RYR3: variants seen among roughly 807,000 people sequenced by gnomAD.
RYR3 encodes the protein brain ryanodine receptor-calcium release channel.
In RYR3, 207 loss-of-function variants were observed where a neutral mutation model predicts 584.3. The observed-to-expected ratio is 0.35, with a 90% CI of 0.32 to 0.40. The LOEUF (loss-of-function observed/expected upper bound fraction) is 0.40. Among genes scored for constraint, RYR3 ranks in the 10% least tolerant of loss-of-function variants. The probability of loss-of-function intolerance (pLI) is 1.00; values close to 1 mark genes in which losing one functional copy is unlikely to be tolerated. For synonymous variants in RYR3, 2,416 were observed against 2,248.5 expected (o/e 1.07, Z -2.11); for missense variants, 5,616 against 6,089.2 (o/e 0.92, Z 2.59).
At chr15:33,521,678 T>G (rs971404119) in intron 3 of RYR3, among the ~76,000 whole-genome samples, 2 of 152,162 alleles carry the variant, frequency 1.3e-5, no homozygotes, top group African/African-American at 4.8e-5. Context: ...AAGGCAGTAC[T>G]GTGGGTGTCG....
chr15:33,560,951 C>A (rs2057368333), intron 10 of RYR3, among the ~76,000 whole-genome samples: 1 of 151,360 alleles, frequency 6.6e-6, no homozygotes, highest in Admixed American at 6.6e-5. Flanking sequence ...AATGTTTCAA[C>A]ACACACATTT....
At position 33,838,631 on chromosome 15, in the gene RYR3, G is replaced by A. The variant is rs1323272533; in HGVS notation, c.12651G>A (p.Gly4217=). Residue 4217 remains glycine, a synonymous_variant, in exon 89 of 104, where the codon GGG becomes GGA. Coordinates refer to ENST00000634891, the MANE Select transcript of RYR3 (RefSeq NM_001036.6). ...FQILWSTVFG[G]GLVEGAKNIR... The stretch of plus-strand genomic sequence containing the variant: ...TCCTCTGGAGCACAGTGTTTGGAGG[G>A]GGCCTGGTAGAAGGGGCAAAGAACA... The A allele has an allele frequency of 1.2e-6, 2 of 1,613,770 alleles. No individual in the cohort carries two copies. The highest frequency in any genetic ancestry group is 2.7e-5 in the African/African-American group (2 of 74,894).
At chr15:33,349,728 A>C in intron 1 of RYR3, among the ~76,000 whole-genome samples, 1 of 134,714 alleles carries the variant, frequency 7.4e-6, no homozygotes, top group African/African-American at 3.0e-5. Flanking sequence ...ATATCTCCCA[A>C]TGCTATCCCT....
chr15:33,348,040 T>C (rs1014316049), intron 1 of RYR3, among the ~76,000 whole-genome samples: 5 of 152,168 alleles, frequency 3.3e-5, no homozygotes, highest in African/African-American at 1.2e-4. Flanking sequence ...AACATTCCTA[T>C]ATGTAACAAT....
intron 27 of RYR3, among the ~76,000 whole-genome samples, chr15:33,641,392 T>C (rs2061816025): frequency 6.6e-6 from 1 of 152,236 alleles, no homozygotes; most frequent in Non-Finnish European, 1.5e-5. Flanking sequence ...ATTTACAAGG[T>C]ATTTGGTAAA....
At chr15:33,421,821 A>G (rs2044263243) in intron 1 of RYR3, among the ~76,000 whole-genome samples, 1 of 152,202 alleles carries the variant, frequency 6.6e-6, no homozygotes, top group South Asian at 2.1e-4. Flanking sequence ...ACTTCAGAGT[A>G]ACCCAATTGT....
chr15:33,728,966 G>A lies in RYR3; in HGVS notation c.7143G>A (p.Leu2381=). ...RVYGIKDQTF[L]LHLLEVGFLP... ...ATGGCATTAAGGATCAAACTTTTCTGCTCCACTTGCTGGAGGTTGGATTTT... is the reference window on the plus strand; with the variant it reads ...ATGGCATTAAGGATCAAACTTTTCTACTCCACTTGCTGGAGGTTGGATTTT... Residue 2381 remains leucine (L), a synonymous_variant, in exon 47 of 104, where the codon CTG becomes CTA. Transcript: ENST00000634891. The A allele has an allele frequency of 6.2e-7, 1 of 1,613,926 alleles. No individual in the cohort carries two copies. The highest frequency in any genetic ancestry group is 8.5e-7 in the Non-Finnish European group (1 of 1,179,864).
intron 1 of RYR3, among the ~76,000 whole-genome samples, chr15:33,380,768 G>A (rs1228934879): frequency 1.3e-5 from 2 of 152,210 alleles, no homozygotes; most frequent in Non-Finnish European, 2.9e-5. Flanking sequence ...AGCAGCACAC[G>A]TACGTACACT....
intron 1 of RYR3, among the ~76,000 whole-genome samples, chr15:33,406,353 A>C (rs956756158): frequency 6.6e-6 from 1 of 152,194 alleles, no homozygotes; most frequent in Non-Finnish European, 1.5e-5. Context: ...TGACCCTCAC[A>C]GTTTTCATTT....
At chr15:33,732,261 G>A (rs1250414891) in intron 48 of RYR3, among the ~76,000 whole-genome samples, 4 of 151,450 alleles carry the variant, frequency 2.6e-5, no homozygotes, top group African/African-American at 4.9e-5. Flanking sequence ...GGTGGCAGAC[G>A]CCTGTAGTCC....
intron 64 of RYR3, among the ~76,000 whole-genome samples, chr15:33,778,435 A>G (rs2074163015): frequency 6.6e-6 from 1 of 152,166 alleles, no homozygotes; most frequent in Non-Finnish European, 1.5e-5. Context: ...CCTGTATTTG[A>G]TATGTAGAGG....
chr15:33,617,652 C>A (rs1229965514), intron 19 of RYR3, among the ~76,000 whole-genome samples: 1 of 152,088 alleles, frequency 6.6e-6, no homozygotes, highest in African/African-American at 2.4e-5. Flanking sequence ...CTGTTTCCTC[C>A]TGTTTAATGG....
intron 49 of RYR3, among the ~76,000 whole-genome samples, chr15:33,736,706 G>A (rs966348453): frequency 6.6e-6 from 1 of 151,820 alleles, no homozygotes; most frequent in Admixed American, 6.6e-5. Flanking sequence ...ATACTGTTTT[G>A]TGCTTTTCTT....
intron 39 of RYR3, among the ~76,000 whole-genome samples, chr15:33,697,175 A>G (rs1290657236): frequency 6.6e-6 from 1 of 152,186 alleles, no homozygotes; most frequent in Admixed American, 6.5e-5. Flanking sequence ...GAGCCAGCAT[A>G]CCAAAGGAGC....
intron 60 of RYR3, among the ~76,000 whole-genome samples, chr15:33,759,819 G>T (rs144972535): frequency 0.037 from 5,673 of 152,184 alleles, 354 homozygotes; most frequent in African/African-American, 0.13. Context: ...TCCTTGAGAA[G>T]AGCAACCCCA....
At chr15:33,667,490 C>T (rs118070687) in intron 36 of RYR3, among the ~76,000 whole-genome samples, 87 of 152,168 alleles carry the variant, frequency 5.7e-4, no homozygotes, top group African/African-American at 1.7e-3. Flanking sequence ...ACAGTGGTTA[C>T]GGTATCTAGA....
intron 31 of RYR3, among the ~76,000 whole-genome samples, chr15:33,651,330 G>C (rs775245689): frequency 1.3e-5 from 2 of 152,174 alleles, no homozygotes; most frequent in Admixed American, 6.5e-5. Context: ...CATCAGTATG[G>C]TTAGCACCTT....
At chr15:33,318,563 C>T (rs1595697933) in intron 1 of RYR3, among the ~76,000 whole-genome samples, 1 of 152,124 alleles carries the variant, frequency 6.6e-6, no homozygotes, top group African/African-American at 2.4e-5. Context: ...AGTAGGGCAC[C>T]GCATTGGTGC....
chr15:33,429,718 G>A (rs1026140746), intron 1 of RYR3, among the ~76,000 whole-genome samples: 6 of 152,174 alleles, frequency 3.9e-5, no homozygotes, highest in African/African-American at 1.4e-4. Flanking sequence ...CATATTTATT[G>A]AGAACTGTTA....
Sources: gnomAD v4.1 joint callset for allele counts (sites outside exome capture counted in the v4.1 genomes callset) on GRCh38, gnomAD v4.1.1 for gene constraint, MANE v1.5 for transcripts, NCBI Gene and HGNC (gene_info 2026-07-23, HGNC 2026-07-21) for gene names.